Variants in DGKB observed in about 807,000 individuals in gnomAD.
DGKB encodes diacylglycerol kinase beta, also known as 90 kDa diacylglycerol kinase.
Under a neutral mutation model 114.3 loss-of-function variants are expected in DGKB, and 67 were observed. The observed-to-expected ratio is 0.59, with a 90% CI of 0.48 to 0.72. The LOEUF is 0.72. DGKB is among the 30% of genes least tolerant of loss of function. The pLI, the probability that DGKB is intolerant of heterozygous loss-of-function variation, is 0.00. For missense variants in DGKB, 907 were observed against 975.2 expected, an observed-to-expected ratio of 0.93 and a Z score of 0.93; for synonymous variants, 398 against 323.1, an observed-to-expected ratio of 1.23 and a Z score of -2.49.
chr7:14,389,767 C>A (rs763002470), intron 21 of DGKB, among the ~76,000 whole-genome samples: 1 of 152,204 alleles, frequency 6.6e-6, no homozygotes, highest in Non-Finnish European at 1.5e-5. Context: ...ATCAATATTT[C>A]TAGTCAGCCT....
intron 23 of DGKB, among the ~76,000 whole-genome samples, chr7:14,214,528 G>A (rs902774509): frequency 6.6e-6 from 1 of 152,054 alleles, no homozygotes; most frequent in Non-Finnish European, 1.5e-5. Context: ...TTCTGGATAA[G>A]GGGATAAATG....
intron 12 of DGKB, among the ~76,000 whole-genome samples, chr7:14,673,394 T>C (rs988373295): frequency 8.4e-5 from 11 of 131,478 alleles, no homozygotes; most frequent in Non-Finnish European, 1.4e-4. Context: ...ACTGTGCCTG[T>C]GTATGCTTTT....
At chr7:14,733,720 AGAGAAAGAAATAAAG>A (rs1831242463) in intron 5 of DGKB, among the ~76,000 whole-genome samples, 1 of 137,116 alleles carries the variant, frequency 7.3e-6, no homozygotes, top group Admixed American at 7.6e-5. Flanking sequence ...AAAGAGAGAA[AGAGAAAGAAATAAAG>A]AAGAAAGAAA....
intron 21 of DGKB, among the ~76,000 whole-genome samples, chr7:14,458,411 A>T (rs1416398233): frequency 2.0e-5 from 3 of 152,188 alleles, no homozygotes; most frequent in Non-Finnish European, 4.4e-5. Context: ...GGCTGGCAAG[A>T]TGGCTGAGTA....
intron 17 of DGKB, among the ~76,000 whole-genome samples, chr7:14,586,855 C>CAAA (rs398066647): frequency 2.1e-4 from 31 of 144,700 alleles, no homozygotes; most frequent in African/African-American, 7.6e-4. Flanking sequence ...ACATATTTCT[C>CAAA]AAAAAAAAAA....
chr7:14,454,467 T>C (rs922843001), intron 21 of DGKB, among the ~76,000 whole-genome samples: 3 of 152,106 alleles, frequency 2.0e-5, no homozygotes, highest in Admixed American at 6.6e-5. Flanking sequence ...CTCTGTGAGA[T>C]TGTCTTAAGA....
At chr7:14,338,158 G>C (rs980778622) in intron 23 of DGKB, among the ~76,000 whole-genome samples, 2 of 152,088 alleles carry the variant, frequency 1.3e-5, no homozygotes, top group Admixed American at 6.6e-5. Context: ...CCTTAGAAAA[G>C]CCTTAACTAC....
intron 23 of DGKB, among the ~76,000 whole-genome samples, chr7:14,304,839 TTGAC>T (rs1201353477): frequency 6.6e-6 from 1 of 152,160 alleles, no homozygotes; most frequent in Non-Finnish European, 1.5e-5. Flanking sequence ...ATTCTTGATA[TTGAC>T]TATTTTTGAC....
chr7:14,259,491 A>G (rs540563462), intron 23 of DGKB, among the ~76,000 whole-genome samples: 8 of 151,182 alleles, frequency 5.3e-5, no homozygotes, highest in Non-Finnish European at 8.8e-5. Context: ...CGGTGGCGTG[A>G]TCTCGGCTCA....
intron 13 of DGKB, among the ~76,000 whole-genome samples, chr7:14,638,763 C>T (rs1349087226): frequency 2.6e-5 from 4 of 152,058 alleles, no homozygotes; most frequent in East Asian, 1.9e-4. Context: ...AAGTGAGGGC[C>T]GGGTGCAGTG....
intron 2 of DGKB, chr7:14,816,394 A>G (rs879570490): frequency 6.6e-6 from 1 of 152,200 alleles, no homozygotes; most frequent in Non-Finnish European, 1.5e-5. Flanking sequence ...TTCTCCACCC[A>G]GACTGCCAAT....
intron 2 of DGKB, among the ~76,000 whole-genome samples, chr7:14,795,999 A>T (rs1841356462): frequency 6.6e-6 from 1 of 152,204 alleles, no homozygotes. Flanking sequence ...GTTTGAAAAT[A>T]ACCCTTATCT....
chr7:14,338,512 G>A lies in DGKB; in HGVS notation c.2122+3C>T. The A allele has an allele frequency of 6.4e-7, 1 of 1,552,112 alleles. No homozygotes were observed. The highest frequency in any genetic ancestry group is 2.3e-5 in the East Asian group (1 of 43,246). ...TTTAACAACTAATTGTTAGAAAACTGACCTTGACTTGCAAACTTCAACTCT... is the reference window on the plus strand; with the variant it reads ...TTTAACAACTAATTGTTAGAAAACTAACCTTGACTTGCAAACTTCAACTCT... On this transcript the variant is annotated splice_donor_region_variant and intron_variant, in intron 23 of 25. Coordinates refer to ENST00000402815, the MANE Select transcript of DGKB (RefSeq NM_001350709.2).
At chr7:14,282,169 AT>A (rs1438075168) in intron 23 of DGKB, among the ~76,000 whole-genome samples, 1 of 98,760 alleles carries the variant, frequency 1.0e-5, no homozygotes, top group African/African-American at 4.0e-5. Context: ...ATAAAAAATG[AT>A]AAAGGGGATA....
intron 13 of DGKB, among the ~76,000 whole-genome samples, chr7:14,653,542 T>C (rs1302019929): frequency 1.3e-5 from 2 of 151,840 alleles, no homozygotes; most frequent in Non-Finnish European, 2.9e-5. Context: ...CATCGGGAGA[T>C]ATACCTAATG....
At chr7:14,830,182 A>G (rs1846221466) in intron 2 of DGKB, among the ~76,000 whole-genome samples, 1 of 151,996 alleles carries the variant, frequency 6.6e-6, no homozygotes, top group Non-Finnish European at 1.5e-5. Flanking sequence ...TTTTTTTCCC[A>G]TTAGAAACAG....
intron 10 of DGKB, among the ~76,000 whole-genome samples, chr7:14,683,154 T>C (rs1389823610): frequency 2.0e-5 from 3 of 152,140 alleles, no homozygotes; most frequent in African/African-American, 7.2e-5. Context: ...TAAAGACAAA[T>C]TGATGACTGC....
At chr7:14,925,222 C>A (rs1325869128) in intron 1 of DGKB, among the ~76,000 whole-genome samples, 1 of 152,166 alleles carries the variant, frequency 6.6e-6, no homozygotes, top group Non-Finnish European at 1.5e-5. Flanking sequence ...ACAAAGAAAG[C>A]TACTGTGACC....
intron 1 of DGKB, among the ~76,000 whole-genome samples, chr7:14,918,727 A>T (rs1021945535): frequency 9.2e-5 from 14 of 152,230 alleles, no homozygotes; most frequent in African/African-American, 3.4e-4. Context: ...AATCCCAATC[A>T]AAATTTCAGC....
Sources: allele counts gnomAD v4.1 joint callset (sites outside exome capture counted in the v4.1 genomes callset), GRCh38; gene constraint gnomAD v4.1.1; transcripts MANE v1.5; gene names NCBI Gene and HGNC (gene_info 2026-07-23, HGNC 2026-07-21).